The following DENND1A variants were observed in gnomAD, a reference collection of about 807,000 sequenced individuals.
DENND1A encodes DENN domain-containing protein 1A.
In DENND1A, 51 loss-of-function variants were observed where a neutral mutation model predicts 113.7. The ratio of observed to expected loss-of-function variants is 0.45; its 90% confidence interval spans 0.36 to 0.57. DENND1A has a LOEUF of 0.57. DENND1A is among the 20% of genes least tolerant of loss of function. The pLI is 0.00. For missense variants in DENND1A, 1,258 were observed against 1,395.9 expected (o/e 0.90, Z 1.57); for synonymous variants, 565 against 570.8 (o/e 0.99, Z 0.14).
chr9:123,414,914 G>A (rs75450665), intron 19 of DENND1A, among the ~76,000 whole-genome samples: 66 of 152,250 alleles, frequency 4.3e-4, no homozygotes, highest in African/African-American at 1.6e-3. Flanking sequence ...ATACCTAATA[G>A]GTGCTCAGCA....
chr9:123,404,246 C>A (rs1159749612), intron 20 of DENND1A, among the ~76,000 whole-genome samples: 1 of 152,178 alleles, frequency 6.6e-6, no homozygotes, highest in Non-Finnish European at 1.5e-5. Flanking sequence ...GAGAAAGACA[C>A]CCTCATCCCC....
intron 19 of DENND1A, among the ~76,000 whole-genome samples, chr9:123,437,179 T>C (rs1315763815): frequency 1.3e-5 from 2 of 152,142 alleles, no homozygotes; most frequent in Admixed American, 6.5e-5. Flanking sequence ...TGCCCCACAA[T>C]GGTAGGGACT....
At chr9:123,647,380 C>T (rs1589501154) in intron 9 of DENND1A, among the ~76,000 whole-genome samples, 2 of 152,254 alleles carry the variant, frequency 1.3e-5, no homozygotes, top group East Asian at 3.9e-4. Context: ...AGGTTGGAGC[C>T]CAGCAGTGGC....
chr9:123,627,134 G>A (rs750475914), intron 10 of DENND1A, among the ~76,000 whole-genome samples: 1 of 152,208 alleles, frequency 6.6e-6, no homozygotes, highest in Non-Finnish European at 1.5e-5. Flanking sequence ...GGCAAGCCAA[G>A]GTTAGGCAGC....
intron 5 of DENND1A, among the ~76,000 whole-genome samples, chr9:123,738,856 T>C (rs2068771080): frequency 6.6e-6 from 1 of 152,180 alleles, no homozygotes; most frequent in Admixed American, 6.5e-5. Context: ...AACACAGAGC[T>C]TGAAATTGAG....
At chr9:123,456,065 A>G (rs933797143) in intron 15 of DENND1A, among the ~76,000 whole-genome samples, 2 of 152,170 alleles carry the variant, frequency 1.3e-5, no homozygotes, top group Non-Finnish European at 2.9e-5. Flanking sequence ...TGTTCAGGAA[A>G]TGCTTATCAG....
intron 5 of DENND1A, among the ~76,000 whole-genome samples, chr9:123,734,061 T>G (rs2068381976): frequency 6.6e-6 from 1 of 152,206 alleles, no homozygotes; most frequent in African/African-American, 2.4e-5. Context: ...CTCGAACTCC[T>G]GGACTCAAGT....
chr9:123,599,967 T>C (rs2059870783), intron 11 of DENND1A, among the ~76,000 whole-genome samples: 1 of 152,150 alleles, frequency 6.6e-6, no homozygotes, highest in African/African-American at 2.4e-5. Context: ...CAAAACCACA[T>C]GCGCCCAGAT....
intron 13 of DENND1A, among the ~76,000 whole-genome samples, chr9:123,465,308 A>ATTTTT (rs60428558): frequency 1.2e-5 from 1 of 80,090 alleles, no homozygotes. Flanking sequence ...TTTGTCTTTG[A>ATTTTT]TTTTTTTTTT....
chr9:123,848,228 TAAAAAA>T (rs375535777), intron 2 of DENND1A, among the ~76,000 whole-genome samples: 2,076 of 60,382 alleles, frequency 0.034, 12 homozygotes, highest in Non-Finnish European at 0.041. Flanking sequence ...GATACTGCTT[TAAAAAA>T]AAAAAAAAAA....
chr9:123,702,460 A>C (rs960218782), intron 5 of DENND1A, among the ~76,000 whole-genome samples: 3 of 152,168 alleles, frequency 2.0e-5, no homozygotes, highest in African/African-American at 7.2e-5. Flanking sequence ...GAAAGGTCAA[A>C]AGCCTCCAAT....
intron 2 of DENND1A, among the ~76,000 whole-genome samples, chr9:123,812,432 C>CA (rs1009962603): frequency 5.6e-4 from 78 of 139,232 alleles, no homozygotes; most frequent in Middle Eastern, 3.7e-3. Context: ...TTTTCAGTTA[C>CA]AAAAAAAAAA....
rs188030153 is a variant in DENND1A at position 123,833,948 on chromosome 9, C to T, written c.89-41318G>A. ...GCACATGCTTGTAGTCCCAGCTACT[C>T]GGGAGGCTGAGGCAGGAGAATTGCT... On this transcript the variant is annotated intron_variant, in intron 2 of 23. Transcript: ENST00000394215. 3.3e-3 allele frequency among the ~76,000 whole-genome samples: 496 copies of T among 152,158 alleles called. 4 individuals are homozygous for T. Among genetic ancestry groups the T allele is most frequent in the Admixed American group, 3.8e-3 (58 of 15,290 alleles).
intron 3 of DENND1A, among the ~76,000 whole-genome samples, chr9:123,788,326 G>A (rs1752161): frequency 0.34 from 51,529 of 151,872 alleles, 12,097 homozygotes; most frequent in African/African-American, 0.67. Flanking sequence ...ACTAAATATT[G>A]TAATTAATAA....
At chr9:123,559,418 A>G (rs2057611695) in intron 12 of DENND1A, among the ~76,000 whole-genome samples, 1 of 152,356 alleles carries the variant, frequency 6.6e-6, no homozygotes, top group South Asian at 2.1e-4. Context: ...ATAGAAAATT[A>G]GATTTAGGTG....
At chr9:123,848,704 G>T (rs1044699807) in intron 2 of DENND1A, among the ~76,000 whole-genome samples, 1 of 152,174 alleles carries the variant, frequency 6.6e-6, no homozygotes, top group African/African-American at 2.4e-5. Flanking sequence ...CTCAAAGTTA[G>T]TCTTCTTGTA....
At chr9:123,773,337 G>A (rs190897826) in intron 3 of DENND1A, among the ~76,000 whole-genome samples, 81 of 152,228 alleles carry the variant, frequency 5.3e-4, no homozygotes, top group Admixed American at 1.9e-3. Flanking sequence ...ATTCAGAAAT[G>A]AACTCAAGAT....
At chr9:123,552,012 C>CGAGA (rs1255642013) in intron 13 of DENND1A, among the ~76,000 whole-genome samples, 102 of 68,702 alleles carry the variant, frequency 1.5e-3, no homozygotes, top group Non-Finnish European at 2.1e-3. Flanking sequence ...CGAGAGAGAG[C>CGAGA]GAGAGCGAGA....
chr9:123,415,868 T>C (rs12351628), intron 19 of DENND1A, among the ~76,000 whole-genome samples: 54,708 of 151,840 alleles, frequency 0.36, 10,125 homozygotes, highest in African/African-American at 0.44. Flanking sequence ...TGGTTGCAGT[T>C]TCCCAAATAA....
Sources: gnomAD v4.1 joint callset for allele counts (sites outside exome capture counted in the v4.1 genomes callset) on GRCh38, gnomAD v4.1.1 for gene constraint, MANE v1.5 for transcripts, NCBI Gene and HGNC (gene_info 2026-07-23, HGNC 2026-07-21) for gene names.